The following LRRTM4 variants were observed in gnomAD, a reference collection of about 807,000 sequenced individuals.
LRRTM4 encodes leucine-rich repeat transmembrane neuronal protein 4.
In LRRTM4, 25 loss-of-function variants were observed where a neutral mutation model predicts 47.6. The ratio of observed to expected loss-of-function variants is 0.53; its 90% CI spans 0.38 to 0.73. The LOEUF (loss-of-function observed/expected upper bound fraction) is 0.73, where lower values mean the gene tolerates loss of function less well. Among genes scored for constraint, LRRTM4 ranks in the 30% least tolerant of loss-of-function variants. LRRTM4 has a pLI of 0.00. For missense variants in LRRTM4, 638 were observed against 713.4 expected (o/e 0.89, Z 1.20); for synonymous variants, 311 against 269.5 (o/e 1.15, Z -1.51).
chr2:76,901,326 T>C (rs550385177), intron 3 of LRRTM4, among the ~76,000 whole-genome samples: 2 of 152,302 alleles, frequency 1.3e-5, no homozygotes, highest in South Asian at 2.1e-4. Flanking sequence ...CCTGCATTAG[T>C]TTGCTTAGGA....
chr2:77,004,200 G>A (rs1031724284), intron 3 of LRRTM4, among the ~76,000 whole-genome samples: 1 of 152,146 alleles, frequency 6.6e-6, no homozygotes, highest in African/African-American at 2.4e-5. Context: ...AAGCAACAAG[G>A]AGCCAAATGT....
chr2:77,083,822 T>TTTTTTTTTTTC (rs1558569872), intron 3 of LRRTM4, among the ~76,000 whole-genome samples: 5 of 119,878 alleles, frequency 4.2e-5, no homozygotes, highest in African/African-American at 1.1e-4. Flanking sequence ...TTTTTTTTTT[T>TTTTTTTTTTTC]CAGACGGAGT....
At position 77,157,029 on chromosome 2, in the gene LRRTM4, T is replaced by G. The variant is rs76104170; in HGVS notation, c.1551+361289A>C. Among the ~76,000 whole-genome samples the G allele has an allele frequency of 4.2e-4, 64 of 152,290 alleles. No individual in the cohort carries two copies. In the East Asian group the frequency reaches 0.012, roughly 29 times the overall value. On this transcript the variant is annotated intron_variant, in intron 3 of 3. Coordinates refer to ENST00000409884, the MANE Select transcript of LRRTM4 (RefSeq NM_001134745.3). The stretch of plus-strand genomic sequence containing the variant: ...TATCAAACAGTAATAACAATTGTTA[T>G]TAAATATACAAGTTATTAAACAAAC...
chr2:76,814,442 A>C (rs1271052329), intron 3 of LRRTM4, among the ~76,000 whole-genome samples: 1 of 152,090 alleles, frequency 6.6e-6, no homozygotes, highest in African/African-American at 2.4e-5. Context: ...AACAATGTAC[A>C]CTTGACTCTC....
chr2:77,480,816 GTGTGTGGAGAGAGAGAGA>G (rs1472368299), intron 3 of LRRTM4, among the ~76,000 whole-genome samples: 2 of 124,580 alleles, frequency 1.6e-5, no homozygotes, highest in East Asian at 6.5e-4. Context: ...GTGTGTGTGT[GTGTGTGGAGAGAGAGAGA>G]GAGAGAGAGA....
intron 3 of LRRTM4, among the ~76,000 whole-genome samples, chr2:77,431,702 C>T (rs766014639): frequency 1.3e-5 from 2 of 149,098 alleles, no homozygotes; most frequent in South Asian, 2.1e-4. Context: ...AAATAACTTA[C>T]GTGCTTCCAA....
intron 3 of LRRTM4, among the ~76,000 whole-genome samples, chr2:77,398,867 A>C (rs1673819659): frequency 1.3e-5 from 2 of 151,820 alleles, no homozygotes; most frequent in Non-Finnish European, 2.9e-5. Flanking sequence ...ATCTATGAGG[A>C]GCATTTGATT....
intron 3 of LRRTM4, among the ~76,000 whole-genome samples, chr2:77,220,945 C>T (rs1674607013): frequency 6.6e-6 from 1 of 152,164 alleles, no homozygotes; most frequent in Admixed American, 6.5e-5. Context: ...ATGTTAAGGG[C>T]AGCCAGAGAG....
intron 3 of LRRTM4, chr2:77,008,911 G>A (rs1462400095): frequency 1.3e-5 from 2 of 149,034 alleles, no homozygotes; most frequent in Non-Finnish European, 3.0e-5. Context: ...CAGTATGCTA[G>A]GTCTCAAGCC....
chr2:76,948,167 CA>C (rs56898549), intron 3 of LRRTM4, among the ~76,000 whole-genome samples: 43,925 of 151,548 alleles, frequency 0.29, 8,284 homozygotes, highest in African/African-American at 0.54. Context: ...TATTCAATGA[CA>C]AAAAAAGTAG....
At chr2:76,873,516 A>G (rs1421427540) in intron 3 of LRRTM4, among the ~76,000 whole-genome samples, 9 of 145,644 alleles carry the variant, frequency 6.2e-5, no homozygotes, top group East Asian at 5.9e-4. Flanking sequence ...GTATATATAT[A>G]TATATATATA....
At chr2:77,194,582 T>C (rs1338856563) in intron 3 of LRRTM4, among the ~76,000 whole-genome samples, 1 of 152,182 alleles carries the variant, frequency 6.6e-6, no homozygotes, top group African/African-American at 2.4e-5. Context: ...AATCATGATA[T>C]TCTTAAGAGC....
intron 3 of LRRTM4, among the ~76,000 whole-genome samples, chr2:77,135,377 A>AGGGTAC (rs1671907803): frequency 6.6e-6 from 1 of 152,198 alleles, no homozygotes. Context: ...CATCATAACC[A>AGGGTAC]GGGTACAGGT....
At chr2:77,004,809 T>C (rs1383269195) in intron 3 of LRRTM4, among the ~76,000 whole-genome samples, 2 of 152,160 alleles carry the variant, frequency 1.3e-5, no homozygotes, top group Non-Finnish European at 2.9e-5. Context: ...CCCAAGGTCG[T>C]GAAAATCCAC....
chr2:77,238,597 G>A (rs780951062), intron 3 of LRRTM4, among the ~76,000 whole-genome samples: 2 of 151,904 alleles, frequency 1.3e-5, no homozygotes, highest in Non-Finnish European at 2.9e-5. Flanking sequence ...TAAACAGCAC[G>A]CCGAGAGATA....
At chr2:76,957,560 A>C (rs573985467) in intron 3 of LRRTM4, among the ~76,000 whole-genome samples, 1 of 151,898 alleles carries the variant, frequency 6.6e-6, no homozygotes, top group South Asian at 2.1e-4. Flanking sequence ...CAACTTTAAC[A>C]ATTTCAAGAA....
intron 3 of LRRTM4, among the ~76,000 whole-genome samples, chr2:76,970,589 G>A (rs934178110): frequency 3.3e-5 from 5 of 152,036 alleles, no homozygotes; most frequent in African/African-American, 1.2e-4. Context: ...AATAACCCCT[G>A]AGAAATAATT....
At chr2:76,867,378 A>G (rs1672497387) in intron 3 of LRRTM4, among the ~76,000 whole-genome samples, 1 of 152,196 alleles carries the variant, frequency 6.6e-6, no homozygotes, top group Non-Finnish European at 1.5e-5. Context: ...TTGTAAACCA[A>G]ATTGGACACA....
chr2:77,049,174 C>CACACACACT (rs756399840), intron 3 of LRRTM4, among the ~76,000 whole-genome samples: 1 of 114,490 alleles, frequency 8.7e-6, no homozygotes, highest in African/African-American at 4.0e-5. Context: ...ACACACACAC[C>CACACACACT]ACATTTTCTT....
Sources: allele counts gnomAD v4.1 joint callset (sites outside exome capture counted in the v4.1 genomes callset), GRCh38; gene constraint gnomAD v4.1.1; transcripts MANE v1.5; gene names NCBI Gene and HGNC (gene_info 2026-07-23, HGNC 2026-07-21).